NRXN1: variants seen among roughly 807,000 people sequenced by gnomAD.
NRXN1 encodes neurexin 1, also known as neurexin-1.
A neutral mutation model predicts 150.9 loss-of-function variants in NRXN1; 39 were observed. That is an observed-to-expected ratio of 0.26 (90% CI 0.20 to 0.34). The LOEUF is 0.34. Ranked by LOEUF, NRXN1 falls within the 10% of genes least tolerant of loss-of-function variation. NRXN1 has a pLI of 1.00. For missense variants in NRXN1, 1,815 were observed against 1,949.9 expected (o/e 0.93, Z 1.30); for synonymous variants, 924 against 757.0 (o/e 1.22, Z -3.62).
chr2:50,538,484 A>G lies in NRXN1; in HGVS notation c.1912T>C (p.Tyr638His). The G allele has an allele frequency of 6.2e-7, 1 of 1,613,806 alleles. No individual in the cohort carries two copies. Among genetic ancestry groups the G allele is most frequent in the Non-Finnish European group, 8.5e-7 (1 of 1,179,792 alleles). Reference protein sequence around the residue: ...PTEVWTALLNYGYVGCIRDLF... With the variant: ...PTEVWTALLNHGYVGCIRDLF... The stretch of plus-strand genomic sequence containing the variant: ...TCCCTGATGCAGCCCACGTAGCCAT[A>G]GTTGAGCAGAGCAGTCCACACCTCG... Residue 638 changes from tyrosine to histidine, a missense_variant, in exon 10 of 23, where the codon TAT becomes CAT. By Grantham distance (83) the Tyr-to-His change is moderately conservative (BLOSUM62 2). This residue lies in a region of NRXN1 where 638 missense variants were observed against 652.6 expected (regional missense o/e 0.98). Transcript: ENST00000401669.
At chr2:50,903,420 G>T (rs1439432803) in intron 5 of NRXN1, among the ~76,000 whole-genome samples, 1 of 152,150 alleles carries the variant, frequency 6.6e-6, no homozygotes, top group Non-Finnish European at 1.5e-5. Flanking sequence ...TTTCTATTAT[G>T]TTGATGGTCT....
chr2:50,025,278 G>C (rs956398396), intron 21 of NRXN1, among the ~76,000 whole-genome samples: 16 of 152,086 alleles, frequency 1.1e-4, no homozygotes, highest in African/African-American at 3.6e-4. Flanking sequence ...TCCAACCACG[G>C]CTTTACAATC....
At chr2:50,692,506 C>A (rs553929324) in intron 5 of NRXN1, among the ~76,000 whole-genome samples, 3 of 152,078 alleles carry the variant, frequency 2.0e-5, no homozygotes, top group African/African-American at 7.2e-5. Flanking sequence ...TTTTAATTCC[C>A]AGACATGTTT....
chr2:50,029,720 T>G (rs1332418640), intron 21 of NRXN1, among the ~76,000 whole-genome samples: 2 of 152,122 alleles, frequency 1.3e-5, no homozygotes, highest in Non-Finnish European at 2.9e-5. Context: ...AAATGCCCAG[T>G]CTGTGGTGGC....
chr2:50,655,514 A>G (rs182158889), intron 5 of NRXN1, among the ~76,000 whole-genome samples: 17 of 152,128 alleles, frequency 1.1e-4, no homozygotes, highest in Non-Finnish European at 2.4e-4. Flanking sequence ...ATGTAAAATG[A>G]TTCACAAAGT....
At chr2:50,883,336 A>C (rs1050674218) in intron 5 of NRXN1, among the ~76,000 whole-genome samples, 3 of 151,794 alleles carry the variant, frequency 2.0e-5, no homozygotes, top group Admixed American at 2.0e-4. Context: ...TTTGCTACTG[A>C]AATTGACATT....
chr2:50,784,743 CA>C (rs1485209759), intron 5 of NRXN1, among the ~76,000 whole-genome samples: 1 of 151,922 alleles, frequency 6.6e-6, no homozygotes, highest in Non-Finnish European at 1.5e-5. Context: ...AGGCAGGGAA[CA>C]AATTAGGGAG....
intron 5 of NRXN1, among the ~76,000 whole-genome samples, chr2:50,834,531 C>T (rs1012545692): frequency 6.6e-6 from 1 of 151,990 alleles, no homozygotes; most frequent in African/African-American, 2.4e-5. Flanking sequence ...ATGATCTGAC[C>T]AGTTTCATGT....
At chr2:49,979,475 A>G (rs1679597759) in intron 21 of NRXN1, among the ~76,000 whole-genome samples, 1 of 152,202 alleles carries the variant, frequency 6.6e-6, no homozygotes, top group African/African-American at 2.4e-5. Flanking sequence ...TATGAAATAC[A>G]AAAGAAGAAG....
intron 17 of NRXN1, among the ~76,000 whole-genome samples, chr2:50,241,533 A>G (rs1049300884): frequency 2.0e-5 from 3 of 151,832 alleles, no homozygotes; most frequent in African/African-American, 7.2e-5. Flanking sequence ...ACTGAAATTT[A>G]AAGTGGTTTT....
At chr2:50,549,148 G>C (rs1194270067) in intron 9 of NRXN1, among the ~76,000 whole-genome samples, 1 of 152,086 alleles carries the variant, frequency 6.6e-6, no homozygotes, top group East Asian at 1.9e-4. Context: ...TTAGTTGTAA[G>C]TGACCTCTGA....
intron 16 of NRXN1, 144 bp downstream of exon 16, chr2:50,472,154 A>G: frequency 1.7e-6 from 1 of 589,576 alleles, no homozygotes; most frequent in East Asian, 3.2e-5. Flanking sequence ...TTATGAGATA[A>G]AAAATTAAAA....
intron 21 of NRXN1, among the ~76,000 whole-genome samples, chr2:49,981,346 A>G (rs1003947402): frequency 6.6e-6 from 1 of 152,062 alleles, no homozygotes. Context: ...TCCATGGACA[A>G]GTCCATCAGA....
intron 19 of NRXN1, among the ~76,000 whole-genome samples, chr2:50,087,712 A>G (rs1178240955): frequency 6.6e-6 from 1 of 152,172 alleles, no homozygotes; most frequent in Non-Finnish European, 1.5e-5. Flanking sequence ...AGAAAATTCA[A>G]TATTTATTCT....
intron 21 of NRXN1, among the ~76,000 whole-genome samples, chr2:49,986,493 C>T (rs1207493314): frequency 6.6e-6 from 1 of 152,124 alleles, no homozygotes; most frequent in Non-Finnish European, 1.5e-5. Context: ...GACTGGGGCT[C>T]ATATTTGCTT....
chr2:50,268,856 A>G (rs2069210553), intron 17 of NRXN1, among the ~76,000 whole-genome samples: 2 of 152,284 alleles, frequency 1.3e-5, no homozygotes, highest in Admixed American at 6.5e-5. Flanking sequence ...GTGCATAACC[A>G]ATGTCTTCTT....
In NRXN1 at chr2:49,923,105, A is replaced by G. The variant is rs1028218219; in HGVS notation, c.4217-854T>C. Among the ~76,000 whole-genome samples, 10 of 152,182 alleles carry G rather than the reference A, an allele frequency of 6.6e-5. No homozygotes were observed. In the East Asian group the frequency reaches 7.7e-4, roughly 12 times the overall value. On this transcript the variant is annotated intron_variant, in intron 22 of 22. Transcript: ENST00000401669. ...TAAGGCTCTTTCTTGGATGAGACCA[A>G]TGGATTTTGGGGTGCCTACGTCTTC...
At chr2:50,679,438 G>A (rs1690035094) in intron 5 of NRXN1, among the ~76,000 whole-genome samples, 1 of 152,096 alleles carries the variant, frequency 6.6e-6, no homozygotes, top group Non-Finnish European at 1.5e-5. Context: ...AAAAATATCT[G>A]AAAATGTTTT....
At chr2:50,986,027 T>G (rs553658802) in intron 2 of NRXN1, among the ~76,000 whole-genome samples, 1 of 151,810 alleles carries the variant, frequency 6.6e-6, no homozygotes, top group Admixed American at 6.6e-5. Context: ...ATTTAATGAC[T>G]TCCCATCTCC....
Sources: allele counts gnomAD v4.1 joint callset (sites outside exome capture counted in the v4.1 genomes callset), GRCh38; gene constraint gnomAD v4.1.1; regional missense constraint gnomAD v4.1.1; transcripts MANE v1.5; gene names NCBI Gene and HGNC (gene_info 2026-07-23, HGNC 2026-07-21).